VPS8: variants seen among roughly 807,000 people sequenced by gnomAD.
The protein encoded by VPS8 is VPS8 subunit of CORVET complex.
In VPS8, 129 loss-of-function variants were observed where a neutral mutation model predicts 216.4. That is an observed-to-expected ratio of 0.60 (90% CI 0.52 to 0.69). The LOEUF is 0.69. Ranked by LOEUF, VPS8 falls within the 30% of genes least tolerant of loss-of-function variation. The pLI is 0.00. For synonymous variants in VPS8, 571 were observed against 565.4 expected, an observed-to-expected ratio of 1.01 and a Z score of -0.14; for missense variants, 1,531 against 1,683.5, an observed-to-expected ratio of 0.91 and a Z score of 1.59.
chr3:184,945,169 C>CTA (rs1364600813), intron 36 of VPS8, among the ~76,000 whole-genome samples: 2 of 151,850 alleles, frequency 1.3e-5, no homozygotes, highest in South Asian at 2.1e-4. Flanking sequence ...CTCTCTCTCT[C>CTA]TCTCTATATA....
At chr3:184,928,380 C>A in intron 31 of VPS8, 71 bp from the exon 32 acceptor site, 1 of 1,345,606 alleles carries the variant, frequency 7.4e-7, no homozygotes, top group Non-Finnish European at 1.0e-6. Flanking sequence ...TTATAGTCTG[C>A]ATGGCTGAAT....
intron 42 of VPS8, among the ~76,000 whole-genome samples, chr3:184,987,074 A>G (rs1270301324): frequency 1.3e-5 from 2 of 151,810 alleles, no homozygotes; most frequent in African/African-American, 4.8e-5. Flanking sequence ...TGCTCCACCT[A>G]TTCATCCTCC....
At chr3:185,034,617 TG>T (rs1577236588) in intron 46 of VPS8, among the ~76,000 whole-genome samples, 36 of 136,074 alleles carry the variant, frequency 2.6e-4, no homozygotes, top group South Asian at 8.4e-4. Context: ...GTTTTGTTGT[TG>T]TTGTTGTTGT....
intron 25 of VPS8, among the ~76,000 whole-genome samples, chr3:184,907,858 C>T (rs750832002): frequency 2.8e-4 from 42 of 152,274 alleles, no homozygotes; most frequent in African/African-American, 8.7e-4. Flanking sequence ...TCTGCTGTAG[C>T]CTTCCCTTCC....
chr3:184,826,499 C>T (rs1200072533), intron 3 of VPS8, among the ~76,000 whole-genome samples: 1 of 152,226 alleles, frequency 6.6e-6, no homozygotes. Context: ...GTATTTCCGT[C>T]ATCACAGAAA....
At chr3:184,994,346 A>T (rs991660624) in intron 43 of VPS8, among the ~76,000 whole-genome samples, 13 of 151,742 alleles carry the variant, frequency 8.6e-5, no homozygotes, top group Non-Finnish European at 1.5e-4. Flanking sequence ...TACAAAAAAT[A>T]AAAAAAAATT....
chr3:184,894,683 TC>T lies in VPS8; in HGVS notation c.1782-13del, dbSNP rs752900208. ...TTTGGCATGTTCCTAAAAGTTTTTC[TC>T]CCCCCCTTTCTGTTACAGGGATCTT... is the stretch of plus-strand genomic sequence containing the variant. On this transcript the variant is annotated intron_variant, in intron 22 of 47. Coordinates refer to ENST00000625842, the MANE Select transcript of VPS8 (RefSeq NM_001009921.3). 171 of 1,556,524 alleles carry T rather than the reference TC, an allele frequency of 1.1e-4. 1 individual carries two copies. Among genetic ancestry groups the T allele is most frequent in the East Asian group, 2.8e-4 (12 of 43,134 alleles).
chr3:184,938,864 C>CA (rs1286474091), intron 35 of VPS8, among the ~76,000 whole-genome samples: 3 of 151,350 alleles, frequency 2.0e-5, no homozygotes, highest in South Asian at 2.1e-4. Flanking sequence ...CCCATCTCTA[C>CA]AAAAAAATCC....
chr3:184,890,430 G>A (rs1182065943), intron 22 of VPS8, among the ~76,000 whole-genome samples: 2 of 151,766 alleles, frequency 1.3e-5, no homozygotes, highest in Non-Finnish European at 2.9e-5. Context: ...GTTTTTATAG[G>A]CAGTCCTTTT....
intron 1 of VPS8, among the ~76,000 whole-genome samples, chr3:184,819,605 C>G (rs1350405637): frequency 6.6e-6 from 1 of 152,296 alleles, no homozygotes; most frequent in East Asian, 1.9e-4. Context: ...GCTTAATAAA[C>G]ACATGGGCAA....
intron 21 of VPS8, among the ~76,000 whole-genome samples, chr3:184,875,995 A>C (rs552716031): frequency 6.6e-6 from 1 of 152,014 alleles, no homozygotes; most frequent in South Asian, 2.1e-4. Context: ...GTCTCAAAAA[A>C]AAAAAAAAGA....
At chr3:184,834,211 T>G (rs1467703866) in intron 4 of VPS8, among the ~76,000 whole-genome samples, 2 of 152,166 alleles carry the variant, frequency 1.3e-5, no homozygotes, top group African/African-American at 4.8e-5. Context: ...GGCAGCCTTC[T>G]GGAGAACATG....
intron 36 of VPS8, among the ~76,000 whole-genome samples, chr3:184,955,189 G>A (rs1270085297): frequency 1.3e-5 from 2 of 152,142 alleles, no homozygotes; most frequent in Non-Finnish European, 2.9e-5. Flanking sequence ...AGGCCTGCCC[G>A]CAGTCATCTG....
chr3:185,007,009 C>A (rs1754353081), intron 45 of VPS8, among the ~76,000 whole-genome samples: 1 of 152,214 alleles, frequency 6.6e-6, no homozygotes, highest in African/African-American at 2.4e-5. Flanking sequence ...TTTTTCATAA[C>A]TGGTCAATAT....
chr3:185,014,926 ACT>A (rs1249005314), intron 45 of VPS8, among the ~76,000 whole-genome samples: 1 of 152,006 alleles, frequency 6.6e-6, no homozygotes, highest in African/African-American at 2.4e-5. Context: ...CAGGCAGAAG[ACT>A]CTCCTGATTG....
chr3:184,896,682 C>T (rs1733548423), intron 23 of VPS8, among the ~76,000 whole-genome samples: 1 of 152,206 alleles, frequency 6.6e-6, no homozygotes, highest in African/African-American at 2.4e-5. Flanking sequence ...ATGTCAGGCT[C>T]TGAGGATGCT....
intron 41 of VPS8, 23 bp from the exon 42 acceptor site, chr3:184,982,989 A>C (rs1256845634): frequency 3.8e-6 from 6 of 1,560,816 alleles, no homozygotes; most frequent in Non-Finnish European, 4.3e-6. Context: ...ACTAACCTTA[A>C]TGTTAATATT....
rs57732582 is a variant in VPS8 at position 184,837,487 on chromosome 3, ATG to A, written c.448-1225_448-1224del. Among the ~76,000 whole-genome samples the A allele has an allele frequency of 2.2e-3, 342 of 152,276 alleles. 1 individual carries two copies. The highest frequency in any genetic ancestry group is 7.9e-3 in the African/African-American group (327 of 41,552). ...GATGCAAATCAGTCATTTATTAACTATGTATTACATGCTTCTTAATTGTCGAG... is the reference window on the plus strand; with the variant it reads ...GATGCAAATCAGTCATTTATTAACTATATTACATGCTTCTTAATTGTCGAG... On this transcript the variant is annotated intron_variant, in intron 5 of 47. Transcript: ENST00000625842.
At chr3:184,949,596 A>G (rs1744292302) in intron 36 of VPS8, among the ~76,000 whole-genome samples, 1 of 152,114 alleles carries the variant, frequency 6.6e-6, no homozygotes, top group Admixed American at 6.5e-5. Context: ...CCTTCTTGCC[A>G]GAGGAAAGTT....
Sources: gnomAD v4.1 joint callset for allele counts (sites outside exome capture counted in the v4.1 genomes callset) on GRCh38, gnomAD v4.1.1 for gene constraint, MANE v1.5 for transcripts, NCBI Gene and HGNC (gene_info 2026-07-23, HGNC 2026-07-21) for gene names.